PIGG: variants seen among roughly 807,000 people sequenced by gnomAD.
PIGG encodes GPI ethanolamine phosphate transferase 2, catalytic subunit.
PIGG carries 70 observed loss-of-function variants against 83.2 expected under a neutral mutation model. The observed-to-expected ratio is 0.84, with a 90% CI of 0.69 to 1.03. The LOEUF (loss-of-function observed/expected upper bound fraction) is 1.03, where lower values mean the gene tolerates loss of function less well. PIGG is among the 50% of genes least tolerant of loss of function. PIGG has a pLI of 0.00. For synonymous variants in PIGG, 532 were observed against 519.5 expected (o/e 1.02, Z -0.33); for missense variants, 1,257 against 1,233.6 (o/e 1.02, Z -0.28).
At chr4:511,363 AT>A (rs1553883344) in intron 5 of PIGG, among the ~76,000 whole-genome samples, 1 of 151,052 alleles carries the variant, frequency 6.6e-6, no homozygotes, top group Non-Finnish European at 1.5e-5. Flanking sequence ...CATTGCATGG[AT>A]TTAACACATT....
At chr4:510,819 A>G (rs1721640677) in intron 5 of PIGG, among the ~76,000 whole-genome samples, 1 of 151,718 alleles carries the variant, frequency 6.6e-6, no homozygotes, top group Admixed American at 6.6e-5. Context: ...TTCTGCAGCC[A>G]CCTTCCTCTT....
chr4:523,241 G>A (rs1040368056), intron 8 of PIGG, among the ~76,000 whole-genome samples: 2 of 152,186 alleles, frequency 1.3e-5, no homozygotes, highest in Admixed American at 6.5e-5. Flanking sequence ...CCCTGCCTGG[G>A]CTGAGGGCGT....
intron 8 of PIGG, 66 bp from the exon 9 acceptor site, chr4:523,393 T>G: frequency 8.5e-7 from 1 of 1,169,802 alleles, no homozygotes; most frequent in Non-Finnish European, 1.3e-6. Flanking sequence ...AGCAAGGACT[T>G]GACATGCAGC....
chr4:535,671 G>C (rs1299589223), intron 12 of PIGG, among the ~76,000 whole-genome samples: 1 of 152,142 alleles, frequency 6.6e-6, no homozygotes, highest in East Asian at 1.9e-4. Context: ...TGACTGCTGA[G>C]CCCCCGTGCC....
At chr4:539,059 A>G in intron 12 of PIGG, 94 bp from the exon 13 acceptor site, 1 of 777,608 alleles carries the variant, frequency 1.3e-6, no homozygotes, top group South Asian at 1.6e-5. Flanking sequence ...TCCAAGGGCA[A>G]GAGCTACTGG....
At chr4:501,324 A>T (rs1717644014) in intron 2 of PIGG, among the ~76,000 whole-genome samples, 2 of 152,252 alleles carry the variant, frequency 1.3e-5, no homozygotes, top group African/African-American at 4.8e-5. Context: ...ATATGAAAAC[A>T]TGCAGTTGTA....
chr4:508,318 G>T (rs2108810369), intron 4 of PIGG, among the ~76,000 whole-genome samples: 1 of 152,336 alleles, frequency 6.6e-6, no homozygotes, highest in South Asian at 2.1e-4. Context: ...GTTCCAGGAG[G>T]ACCAGCAGCG....
chr4:510,286 AAAGG>A (rs1206490702), intron 5 of PIGG, among the ~76,000 whole-genome samples: 2 of 152,362 alleles, frequency 1.3e-5, no homozygotes, highest in Non-Finnish European at 2.9e-5. Context: ...GGGCTGAATT[AAAGG>A]AATAGATGGG....
intron 2 of PIGG, among the ~76,000 whole-genome samples, chr4:503,022 G>T (rs527845277): frequency 6.6e-6 from 1 of 152,272 alleles, no homozygotes; most frequent in South Asian, 2.1e-4. Context: ...ATAAGCATAT[G>T]CAGAGATTCT....
chr4:509,405 G>A (rs1352642770), intron 5 of PIGG, among the ~76,000 whole-genome samples: 1 of 152,194 alleles, frequency 6.6e-6, no homozygotes, highest in Admixed American at 6.5e-5. Flanking sequence ...TCAGTATTCA[G>A]ACACGCCCCA....
chr4:510,084 C>T (rs1199404770), intron 5 of PIGG, among the ~76,000 whole-genome samples: 1 of 152,076 alleles, frequency 6.6e-6, no homozygotes, highest in Non-Finnish European at 1.5e-5. Flanking sequence ...CCCAGCAGCG[C>T]TAGAGGAATT....
chr4:525,453 G>A, intron 9 of PIGG: 1 of 700,588 alleles, frequency 1.4e-6, no homozygotes, highest in Non-Finnish European at 1.8e-6. Context: ...GTAAGAAATG[G>A]CAGCAGAAGG....
intron 3 of PIGG, among the ~76,000 whole-genome samples, chr4:506,255 G>C (rs556224190): frequency 1.2e-3 from 189 of 152,318 alleles, no homozygotes; most frequent in Middle Eastern, 3.4e-3. Context: ...GACTCCCCAG[G>C]TGGGCAGAAC....
In PIGG at chr4:499,350, CG is replaced by C; in HGVS notation, c.18del (p.Thr7LeufsTer7). 1 of 1,608,758 alleles carries C rather than the reference CG, an allele frequency of 6.2e-7. No individual in the cohort carries two copies. The stretch of plus-strand genomic sequence containing the variant: ...GCGTGTCCACGATGCGGCTGGGCTC[CG>C]GGACTTTCGCTACCTGTTGCGTAGC... Reference protein sequence around the residue: MRLGSGTFATCCVAIE... With the variant: MRLGSXTFATCCVAIE... On this transcript the variant is annotated frameshift_variant, in exon 1 of 13. Coordinates refer to ENST00000453061, the MANE Select transcript of PIGG (RefSeq NM_001127178.3). LOFTEE classifies it high-confidence loss of function.
chr4:502,673 C>G (rs1425491984), intron 2 of PIGG, among the ~76,000 whole-genome samples: 1 of 152,048 alleles, frequency 6.6e-6, no homozygotes, highest in Non-Finnish European at 1.5e-5. Context: ...ACTGTAAATG[C>G]AGCCCACTCG....
intron 1 of PIGG, 135 bp downstream of exon 1, chr4:499,624 A>G: frequency 7.1e-7 from 1 of 1,416,778 alleles, no homozygotes; most frequent in Non-Finnish European, 9.2e-7. Context: ...CACCTCAGAA[A>G]TTTTTTTTAA....
At position 528,124 on chromosome 4, in the gene PIGG, G is replaced by A. The variant is rs557761558; in HGVS notation, c.2261+894G>A. 12 of 985,364 alleles carry A rather than the reference G, an allele frequency of 1.2e-5. No homozygotes were observed. The African/African-American group carries it at 1.4e-4, about 11-fold the overall frequency. 61.0% of individuals were successfully genotyped at this position (985,364 alleles called of 1,614,324 possible). On this transcript the variant is annotated intron_variant, in intron 10 of 12. Coordinates refer to ENST00000453061, the MANE Select transcript of PIGG (RefSeq NM_001127178.3). This position sits in a 1 kb window ranked among gnomAD's most constrained non-coding sequence, Gnocchi z 4.8. ...TGATAGTGACCCTCTCAGTGAGGTC[G>A]GTGCTCTGCAGAGGGGTCTTCTGGC...
intron 9 of PIGG, chr4:525,939 G>A (rs1045640846): frequency 6.6e-6 from 1 of 152,218 alleles, no homozygotes; most frequent in African/African-American, 2.4e-5. Flanking sequence ...GTGTCAGGGA[G>A]CTCCGTGTCC....
At chr4:524,046 G>T in intron 9 of PIGG, 133 bp downstream of exon 9, 1 of 612,380 alleles carries the variant, frequency 1.6e-6, no homozygotes, top group Non-Finnish European at 2.8e-6. Flanking sequence ...TGAAGAATTG[G>T]GAAAATACAC....
Sources: gnomAD v4.1 joint callset for allele counts (sites outside exome capture counted in the v4.1 genomes callset) on GRCh38, gnomAD v4.1.1 for gene constraint, Gnocchi (gnomAD v3.1) non-coding constraint, MANE v1.5 for transcripts, NCBI Gene and HGNC (gene_info 2026-07-23, HGNC 2026-07-21) for gene names.